Variants in SCAPER observed in about 807,000 individuals in gnomAD.
The protein encoded by SCAPER is S-phase cyclin A associated protein in the ER.
A neutral mutation model predicts 182.2 loss-of-function variants in SCAPER; 98 were observed. That is an observed-to-expected ratio of 0.54 (90% CI 0.46 to 0.64). SCAPER has a LOEUF of 0.64. Among genes scored for constraint, SCAPER ranks in the 30% least tolerant of loss-of-function variants. The pLI is 0.00. For missense variants in SCAPER, 1,432 were observed against 1,690.0 expected (o/e 0.85, Z 2.68); for synonymous variants, 605 against 564.6 (o/e 1.07, Z -1.01).
At chr15:76,401,873 G>A (rs192012303) in intron 27 of SCAPER, among the ~76,000 whole-genome samples, 42 of 152,062 alleles carry the variant, frequency 2.8e-4, no homozygotes, top group Admixed American at 2.7e-3. Flanking sequence ...GGCCAGGCGC[G>A]CCCAGCACTT....
At chr15:76,379,292 C>A (rs570556649) in intron 28 of SCAPER, among the ~76,000 whole-genome samples, 84 of 148,646 alleles carry the variant, frequency 5.7e-4, no homozygotes, top group African/African-American at 2.0e-3. Context: ...GAGAGAGACA[C>A]AAAAGAAGAA....
intron 23 of SCAPER, among the ~76,000 whole-genome samples, chr15:76,524,699 T>G (rs2043067212): frequency 7.0e-6 from 1 of 143,834 alleles, no homozygotes; most frequent in Non-Finnish European, 1.5e-5. Flanking sequence ...GTTTTTTTTT[T>G]TTTTTTTTTT....
rs60494575 is a variant in SCAPER, at chr15:76,600,387, A to ATG, written c.2711+21375_2711+21376dup. Among the ~76,000 whole-genome samples the ATG allele has an allele frequency of 5.7e-3, 504 of 88,712 alleles. 22 individuals are homozygous for ATG. The highest frequency in any genetic ancestry group is 0.015 in the African/African-American group (475 of 32,292). 58.2% of individuals were successfully genotyped at this position (88,712 alleles called of 152,430 possible). A position where few individuals can be genotyped will look rare whatever the true frequency, so the allele number is the denominator to read the frequency against. Reference sequence around the variant, plus strand: ...TAGCATACTTGGAAAGTGTGTGTATATGTGTGTGTGTGTGTGTGTGTGTGT... The same window carrying ATG: ...TAGCATACTTGGAAAGTGTGTGTATATGTGTGTGTGTGTGTGTGTGTGTGTGT... On this transcript the variant is annotated intron_variant, in intron 22 of 31. Coordinates refer to ENST00000563290, the MANE Select transcript of SCAPER (RefSeq NM_020843.4).
At chr15:76,870,310 C>T (rs1416503622) in intron 2 of SCAPER, among the ~76,000 whole-genome samples, 2 of 151,656 alleles carry the variant, frequency 1.3e-5, no homozygotes, top group African/African-American at 4.8e-5. Flanking sequence ...AGTATATTAA[C>T]AAATTATATG....
chr15:76,881,510 A>G (rs2073537503), intron 2 of SCAPER, among the ~76,000 whole-genome samples: 1 of 152,226 alleles, frequency 6.6e-6, no homozygotes, highest in Non-Finnish European at 1.5e-5. Context: ...AAAACGTAAT[A>G]TATTATTATT....
At position 76,613,401 on chromosome 15, in the gene SCAPER, C is replaced by T. The variant is rs534449932; in HGVS notation, c.2711+8363G>A. Among the ~76,000 whole-genome samples, 10 of 152,258 alleles carry T rather than the reference C, an allele frequency of 6.6e-5. No individual in the cohort carries two copies. The East Asian group carries it at 9.7e-4, about 15-fold the overall frequency. ...ACGAAGACACCAAAAGCACTTGCAACAAAAGCAAACACTGACAAATGGTAT... is the reference window on the plus strand; with the variant it reads ...ACGAAGACACCAAAAGCACTTGCAATAAAAGCAAACACTGACAAATGGTAT... On this transcript the variant is annotated intron_variant, in intron 22 of 31. Transcript: ENST00000563290.
rs775463270 is a variant in SCAPER, at chr15:76,667,625, C to CAAAAAAAAAAAAAAAAA, written c.2509-1853_2509-1837dup. Among the ~76,000 whole-genome samples the CAAAAAAAAAAAAAAAAA allele has an allele frequency of 2.9e-4, 8 of 27,474 alleles. 1 individual carries two copies. The highest frequency in any genetic ancestry group is 3.9e-4 in the Non-Finnish European group (6 of 15,342). The allele number at this position is 27,474 out of a possible 152,430, so 18.0% of individuals were successfully genotyped here. On this transcript the variant is annotated intron_variant, in intron 20 of 31. Transcript: ENST00000563290. ...GGGCAACAAGAGCGAGACTCAGTCTCAAAAAAAAAAAAAAAAAAAAAAAAA... is the reference window on the plus strand; with the variant it reads ...GGGCAACAAGAGCGAGACTCAGTCTCAAAAAAAAAAAAAAAAAAAAAAAAAAAAAAAAAAAAAAAAAA...
In SCAPER at chr15:76,549,693, A is replaced by G. The variant is rs74815125; in HGVS notation, c.2838+24465T>C. Among the ~76,000 whole-genome samples the G allele has an allele frequency of 4.9e-3, 747 of 152,254 alleles. 46 individuals carry two copies. The East Asian group carries it at 0.13, about 27-fold the overall frequency. On this transcript the variant is annotated intron_variant, in intron 23 of 31. Transcript: ENST00000563290. ...GCACACCAACATGGCACATGTATGC[A>G]TACGTAACTAACCTGCACGTTGTGC...
At chr15:76,441,557 A>T (rs749385282) in intron 25 of SCAPER, among the ~76,000 whole-genome samples, 1 of 151,978 alleles carries the variant, frequency 6.6e-6, no homozygotes, top group Non-Finnish European at 1.5e-5. Context: ...TTCCTCCCCA[A>T]ATTAATATAC....
At chr15:76,398,500 G>T (rs2044238470) in intron 27 of SCAPER, among the ~76,000 whole-genome samples, 2 of 152,196 alleles carry the variant, frequency 1.3e-5, no homozygotes, top group South Asian at 4.1e-4. Context: ...TTTGTTCAAT[G>T]AATGAATAGG....
At chr15:76,588,937 C>T (rs1373652696) in intron 22 of SCAPER, among the ~76,000 whole-genome samples, 1 of 152,076 alleles carries the variant, frequency 6.6e-6, no homozygotes, top group Non-Finnish European at 1.5e-5. Context: ...TGGGCTGTTC[C>T]CTTGATGTAG....
chr15:76,495,453 C>G (rs1202933027), intron 24 of SCAPER, among the ~76,000 whole-genome samples: 1 of 151,824 alleles, frequency 6.6e-6, no homozygotes, highest in Non-Finnish European at 1.5e-5. Flanking sequence ...TGGCATGTGC[C>G]TGTAATCCCA....
chr15:76,689,123 C>T (rs187502386), intron 20 of SCAPER, among the ~76,000 whole-genome samples: 2 of 152,126 alleles, frequency 1.3e-5, no homozygotes, highest in Non-Finnish European at 2.9e-5. Flanking sequence ...GCTGGGATTA[C>T]AGGCATGAGC....
rs570540545 is a variant in SCAPER, at chr15:76,753,657, T to C, written c.1866+151A>G. ...TAGAATTATCAAAGGGATAAAATAT[T>C]GCACCTGGTAAGTTTTAAATGAGTG... On this transcript the variant is annotated intron_variant, in intron 15 of 31. Coordinates refer to ENST00000563290, the MANE Select transcript of SCAPER (RefSeq NM_020843.4). 4 of 787,536 alleles carry C rather than the reference T, an allele frequency of 5.1e-6. 1 individual carries two copies. In the South Asian group the frequency reaches 9.5e-5, roughly 19 times the overall value. 48.8% of individuals were successfully genotyped at this position (787,536 alleles called of 1,614,324 possible).
At chr15:76,574,967 T>C (rs2047710876) in intron 22 of SCAPER, among the ~76,000 whole-genome samples, 1 of 152,116 alleles carries the variant, frequency 6.6e-6, no homozygotes. Context: ...TCCCCACTTT[T>C]CCCCTATATA....
chr15:76,781,704 T>G (rs2151387869), intron 8 of SCAPER, among the ~76,000 whole-genome samples: 1 of 152,316 alleles, frequency 6.6e-6, no homozygotes, highest in African/African-American at 2.4e-5. Flanking sequence ...ACAGAAACCC[T>G]ACAATCCAGA....
intron 14 of SCAPER, among the ~76,000 whole-genome samples, chr15:76,758,250 T>C (rs531606271): frequency 6.6e-6 from 1 of 152,320 alleles, no homozygotes; most frequent in East Asian, 1.9e-4. Context: ...CCATTTTGAG[T>C]TGATTTTTAT....
intron 3 of SCAPER, among the ~76,000 whole-genome samples, chr15:76,859,724 T>A (rs2071713251): frequency 6.6e-6 from 1 of 151,800 alleles, no homozygotes; most frequent in South Asian, 2.1e-4. Context: ...TTTTTTGGGT[T>A]TTGTTTTGTT....
At chr15:76,687,432 C>T (rs926749264) in intron 20 of SCAPER, among the ~76,000 whole-genome samples, 1 of 152,028 alleles carries the variant, frequency 6.6e-6, no homozygotes, top group African/African-American at 2.4e-5. Flanking sequence ...CTCATATTGG[C>T]AACATATACT....
Sources: gnomAD v4.1 joint callset for allele counts (sites outside exome capture counted in the v4.1 genomes callset) on GRCh38, gnomAD v4.1.1 for gene constraint, MANE v1.5 for transcripts, NCBI Gene and HGNC (gene_info 2026-07-23, HGNC 2026-07-21) for gene names.